The following INPP4B variants were observed in gnomAD, a reference collection of about 807,000 sequenced individuals.
INPP4B encodes inositol polyphosphate 4-phosphatase type II.
Under a neutral mutation model 122.5 loss-of-function variants are expected in INPP4B, and 55 were observed. The observed-to-expected ratio is 0.45, with a 90% CI of 0.36 to 0.56. The LOEUF (loss-of-function observed/expected upper bound fraction) is 0.56, where lower values mean the gene tolerates loss of function less well. INPP4B is among the 20% of genes least tolerant of loss of function. The probability of loss-of-function intolerance (pLI) is 0.00; values close to 1 mark genes in which losing one functional copy is unlikely to be tolerated. For synonymous variants in INPP4B, 403 were observed against 388.7 expected (o/e 1.04, Z -0.43); for missense variants, 1,000 against 1,097.7 (o/e 0.91, Z 1.26).
rs183269841 is a variant in INPP4B at position 142,092,713 on chromosome 4, A to C, written c.2375-6457T>G. On this transcript the variant is annotated intron_variant, in intron 23 of 25. Transcript: ENST00000262992. ...TTTATTGTTTAAGCTAGTTTGAATT[A>C]AGAGTTTTTGTCATTTGCAATCAAA... Among the ~76,000 whole-genome samples the C allele has an allele frequency of 1.2e-3, 190 of 152,318 alleles. 1 individual carries two copies. Among genetic ancestry groups the C allele is most frequent in the Admixed American group, 0.01 (155 of 15,292 alleles).
intron 1 of INPP4B, among the ~76,000 whole-genome samples, chr4:142,806,084 C>G (rs1778650771): frequency 6.6e-6 from 1 of 151,762 alleles, no homozygotes; most frequent in Admixed American, 6.6e-5. Context: ...TTGAGACCAT[C>G]CTGTCTAACA....
At chr4:142,690,510 G>A (rs1435896558) in intron 2 of INPP4B, among the ~76,000 whole-genome samples, 1 of 152,074 alleles carries the variant, frequency 6.6e-6, no homozygotes, top group Non-Finnish European at 1.5e-5. Flanking sequence ...AGGAGCCCTG[G>A]CTGCCTTCAA....
chr4:142,542,632 GT>G (rs1464049412), intron 2 of INPP4B, among the ~76,000 whole-genome samples: 1 of 152,160 alleles, frequency 6.6e-6, no homozygotes, highest in Non-Finnish European at 1.5e-5. Flanking sequence ...ATATGAAGTA[GT>G]TTTTCCTTCT....
At chr4:142,780,488 A>C (rs984866202) in intron 1 of INPP4B, among the ~76,000 whole-genome samples, 4 of 152,188 alleles carry the variant, frequency 2.6e-5, no homozygotes, top group Non-Finnish European at 5.9e-5. Context: ...AAATTAAGGC[A>C]TTAATAAACT....
chr4:142,312,442 T>C (rs995479440), intron 8 of INPP4B, among the ~76,000 whole-genome samples: 3 of 152,198 alleles, frequency 2.0e-5, no homozygotes, highest in Non-Finnish European at 4.4e-5. Flanking sequence ...TTAGAAAGCC[T>C]AGAGGTGTCT....
At chr4:142,190,624 A>G (rs2149328164) in intron 15 of INPP4B, among the ~76,000 whole-genome samples, 1 of 152,274 alleles carries the variant, frequency 6.6e-6, no homozygotes, top group East Asian at 1.9e-4. Flanking sequence ...CCATAAAGCA[A>G]TGAAACACAA....
chr4:142,112,736 T>C (rs759088631), intron 21 of INPP4B, 54 bp from the exon 22 acceptor site: 201 of 1,538,778 alleles, frequency 1.3e-4, no homozygotes, highest in Non-Finnish European at 5.0e-5. Flanking sequence ...TTTTGTGTTA[T>C]TTTAGATTTA....
rs139861206 is a variant in INPP4B at position 142,350,740 on chromosome 4, T to C, written c.373-35978A>G. 1.4e-4 allele frequency among the ~76,000 whole-genome samples: 22 copies of C among 152,128 alleles called. No individual in the cohort carries two copies. In the East Asian group the frequency reaches 2.1e-3, roughly 15 times the overall value. On this transcript the variant is annotated intron_variant, in intron 7 of 25. Transcript: ENST00000262992. ...ATGTTAATGAAAATAAAATTCTACC[T>C]TTACACTGCAAAATTATACTTTACT...
At chr4:142,639,507 A>AT (rs1245498658) in intron 2 of INPP4B, among the ~76,000 whole-genome samples, 4 of 152,044 alleles carry the variant, frequency 2.6e-5, no homozygotes, top group African/African-American at 9.7e-5. Context: ...AGGTTATCAC[A>AT]TTTTTTGGCA....
At chr4:142,401,877 A>G (rs971283307) in intron 7 of INPP4B, among the ~76,000 whole-genome samples, 2 of 152,192 alleles carry the variant, frequency 1.3e-5, no homozygotes, top group African/African-American at 2.4e-5. Flanking sequence ...TTGTTCTGCA[A>G]TTTTAAAGAA....
chr4:142,658,401 G>A (rs1257824875), intron 2 of INPP4B, among the ~76,000 whole-genome samples: 2 of 152,142 alleles, frequency 1.3e-5, no homozygotes. Flanking sequence ...GAAAACTAAA[G>A]CAACCTTTTT....
At chr4:142,080,335 G>T (rs762153172) in intron 25 of INPP4B, among the ~76,000 whole-genome samples, 4 of 152,028 alleles carry the variant, frequency 2.6e-5, no homozygotes, top group African/African-American at 2.4e-5. Flanking sequence ...TTAAAGAAAA[G>T]AACTCATCTT....
At chr4:142,568,704 G>C (rs1232612281) in intron 2 of INPP4B, among the ~76,000 whole-genome samples, 1 of 151,994 alleles carries the variant, frequency 6.6e-6, no homozygotes, top group Non-Finnish European at 1.5e-5. Flanking sequence ...AGATAATCAT[G>C]GATATAATTA....
At chr4:142,474,947 T>A (rs186048796) in intron 2 of INPP4B, among the ~76,000 whole-genome samples, 1 of 152,344 alleles carries the variant, frequency 6.6e-6, no homozygotes, top group East Asian at 1.9e-4. Flanking sequence ...CACCCACCTG[T>A]CATAGCCAGA....
At chr4:142,177,761 G>A (rs1579183227) in intron 15 of INPP4B, among the ~76,000 whole-genome samples, 1 of 151,742 alleles carries the variant, frequency 6.6e-6, no homozygotes, top group African/African-American at 2.4e-5. Flanking sequence ...TCATATTTTG[G>A]AGATGTGAAA....
At chr4:142,086,686 T>C (rs1451601847) in intron 23 of INPP4B, among the ~76,000 whole-genome samples, 1 of 152,186 alleles carries the variant, frequency 6.6e-6, no homozygotes, top group Non-Finnish European at 1.5e-5. Context: ...GAAATATCAT[T>C]TGAAGCTAAG....
At position 142,830,212 on chromosome 4, in the gene INPP4B, T is replaced by C. The variant is rs565922262; in HGVS notation, c.-254+15997A>G. On this transcript the variant is annotated intron_variant, in intron 1 of 25. Coordinates refer to ENST00000262992, the MANE Select transcript of INPP4B (RefSeq NM_001101669.3). ...CTCCAAGATATTTTATATTCAAAAA[T>C]TAAATTTAATAAAAGGAAAATTCAG... Among the ~76,000 whole-genome samples, 10 of 152,264 alleles carry C rather than the reference T, an allele frequency of 6.6e-5. No homozygotes were observed. The South Asian group carries it at 1.5e-3, about 22-fold the overall frequency.
chr4:142,256,514 A>G (rs2150312848), intron 11 of INPP4B, among the ~76,000 whole-genome samples: 1 of 152,316 alleles, frequency 6.6e-6, no homozygotes, highest in South Asian at 2.1e-4. Flanking sequence ...AAAAAATGAC[A>G]AAGGGGATAT....
chr4:142,257,108 A>G (rs1381983010), intron 11 of INPP4B, among the ~76,000 whole-genome samples: 1 of 152,188 alleles, frequency 6.6e-6, no homozygotes, highest in Non-Finnish European at 1.5e-5. Flanking sequence ...CAAAAACCAC[A>G]TGATTATCTC....
Sources: allele counts gnomAD v4.1 joint callset (sites outside exome capture counted in the v4.1 genomes callset), GRCh38; gene constraint gnomAD v4.1.1; transcripts MANE v1.5; gene names NCBI Gene and HGNC (gene_info 2026-07-23, HGNC 2026-07-21).